ERG: variants seen among roughly 807,000 people sequenced by gnomAD.
ERG encodes ETS transcription factor ERG, also known as transcriptional regulator ERG.
ERG carries 9 observed loss-of-function variants against 55.3 expected under a neutral mutation model. The ratio of observed to expected loss-of-function variants is 0.16; its 90% CI spans 0.10 to 0.28. The LOEUF (loss-of-function observed/expected upper bound fraction) is 0.28, where lower values mean the gene tolerates loss of function less well. Among genes scored for constraint, ERG ranks in the 10% least tolerant of loss-of-function variants. The pLI is 1.00. For synonymous variants in ERG, 223 were observed against 237.3 expected (o/e 0.94, Z 0.55); for missense variants, 434 against 631.6 (o/e 0.69, Z 3.35).
chr21:38,621,272 C>T (rs1197338436), intron 1 of ERG, among the ~76,000 whole-genome samples: 1 of 152,218 alleles, frequency 6.6e-6, no homozygotes, highest in Non-Finnish European at 1.5e-5. Flanking sequence ...TGCAGCTCCA[C>T]ATGTCATCTT....
chr21:38,433,723 C>T (rs546681763), intron 2 of ERG, among the ~76,000 whole-genome samples: 1 of 152,256 alleles, frequency 6.6e-6, no homozygotes, highest in South Asian at 2.1e-4. Context: ...GCCCCAAGCT[C>T]GCTGGCCACA....
At position 38,381,299 on chromosome 21, in the gene ERG, C is replaced by G; in HGVS notation, c.*2104G>C. On this transcript the variant is annotated 3_prime_UTR_variant, in exon 10 of 10. Transcript: ENST00000288319. ...GTTTCGGCTAGCGCCTTCGCACGGT[C>G]ACCTTGTATTTTCACCTTTTGAGTT... The G allele has an allele frequency of 9.4e-7, 1 of 1,065,104 alleles. No individual in the cohort carries two copies. Among genetic ancestry groups the G allele is most frequent in the Non-Finnish European group, 1.1e-6 (1 of 879,160 alleles). The allele number at this position is 1,065,104 out of a possible 1,614,324, so 66.0% of individuals were successfully genotyped here. A position where few individuals can be genotyped will look rare whatever the true frequency, so the allele number is the denominator to read the frequency against.
intron 9 of ERG, among the ~76,000 whole-genome samples, chr21:38,385,105 CTTTGT>C (rs1392019808): frequency 3.3e-5 from 5 of 152,182 alleles, no homozygotes; most frequent in Admixed American, 1.3e-4. Flanking sequence ...ACAGATACAG[CTTTGT>C]TTTATGAAAT....
chr21:38,402,766 C>T (rs1297390658), intron 4 of ERG, 129 bp from the exon 5 acceptor site: 6 of 652,064 alleles, frequency 9.2e-6, no homozygotes, highest in Non-Finnish European at 1.5e-5. Context: ...CGTTCCCCCA[C>T]TCCCACACTA....
intron 2 of ERG, among the ~76,000 whole-genome samples, chr21:38,430,182 T>G (rs1325061203): frequency 6.6e-6 from 1 of 152,220 alleles, no homozygotes; most frequent in African/African-American, 2.4e-5. Context: ...ATGTTGAGTG[T>G]TTTTTCATGT....
At chr21:38,498,801 C>T (rs2059400112), upstream of ERG, among the ~76,000 whole-genome samples, 1 of 152,158 alleles carries the variant, frequency 6.6e-6, no homozygotes, top group African/African-American at 2.4e-5. This position sits in a 1 kb window ranked among gnomAD's most constrained non-coding sequence, Gnocchi z 4.6. Flanking sequence ...CACCTTGGAG[C>T]CAAGGCGTTG....
intron 5 of ERG, among the ~76,000 whole-genome samples, chr21:38,401,058 T>C (rs1223101024): frequency 1.3e-5 from 2 of 152,216 alleles, no homozygotes; most frequent in Non-Finnish European, 2.9e-5. Context: ...ATTATAAGTA[T>C]TTAGCCTAAG....
At chr21:38,554,005 A>T (rs565141356) in intron 2 of ERG, among the ~76,000 whole-genome samples, 5 of 45,352 alleles carry the variant, frequency 1.1e-4, no homozygotes. Flanking sequence ...CAACTTCTTT[A>T]AAAAAAATGG....
intron 1 of ERG, among the ~76,000 whole-genome samples, chr21:38,615,188 T>C (rs2060251255): frequency 6.6e-6 from 1 of 152,186 alleles, no homozygotes; most frequent in South Asian, 2.1e-4. Flanking sequence ...ATTCCTCACC[T>C]TACTAAAGCA....
chr21:38,410,045 G>A (rs773186897), intron 3 of ERG, among the ~76,000 whole-genome samples: 1 of 152,210 alleles, frequency 6.6e-6, no homozygotes, highest in Non-Finnish European at 1.5e-5. Flanking sequence ...GTAATTAAAT[G>A]AAATGTTAGG....
At chr21:38,624,051 A>T (rs1368554552) in intron 1 of ERG, among the ~76,000 whole-genome samples, 3 of 152,188 alleles carry the variant, frequency 2.0e-5, no homozygotes, top group African/African-American at 7.2e-5. Context: ...CTCGGCCTTC[A>T]TCCTTCAGGC....
At chr21:38,400,242 G>A in intron 6 of ERG, 1 of 455,014 alleles carries the variant, frequency 2.2e-6, no homozygotes, top group Non-Finnish European at 4.2e-6. Flanking sequence ...CTTGTTTTGT[G>A]CTCTTCCCCC....
At chr21:38,574,522 C>T (rs1185074382) in intron 2 of ERG, among the ~76,000 whole-genome samples, 3 of 152,214 alleles carry the variant, frequency 2.0e-5, no homozygotes, top group African/African-American at 7.2e-5. Flanking sequence ...CTTATTACTT[C>T]CAATTCCATT....
At chr21:38,474,436 T>C (rs1472627411) in intron 1 of ERG, among the ~76,000 whole-genome samples, 2 of 152,196 alleles carry the variant, frequency 1.3e-5, no homozygotes, top group African/African-American at 4.8e-5. Context: ...ATGAGTGCCC[T>C]GGAGAGAACT....
At chr21:38,469,413 C>T (rs571898652) in intron 1 of ERG, among the ~76,000 whole-genome samples, 10 of 152,184 alleles carry the variant, frequency 6.6e-5, no homozygotes, top group Non-Finnish European at 1.2e-4. Flanking sequence ...TTCACAGAAA[C>T]TCTGCCACAA....
intron 1 of ERG, among the ~76,000 whole-genome samples, chr21:38,488,547 G>T (rs571119056): frequency 6.6e-6 from 1 of 151,936 alleles, no homozygotes; most frequent in African/African-American, 2.4e-5. Flanking sequence ...TATTTGCTTC[G>T]GTTCAAAGGG....
At chr21:38,543,718 G>A (rs2146801740) in intron 2 of ERG, among the ~76,000 whole-genome samples, 1 of 150,654 alleles carries the variant, frequency 6.6e-6, no homozygotes, top group Admixed American at 6.7e-5. Flanking sequence ...AAGGAAGACA[G>A]GGTGATGTGT....
chr21:38,474,288 A>G (rs1255360118), intron 1 of ERG, among the ~76,000 whole-genome samples: 1 of 152,084 alleles, frequency 6.6e-6, no homozygotes, highest in Non-Finnish European at 1.5e-5. Context: ...AGGAAAGCCA[A>G]GAAGTGGGAG....
chr21:38,613,939 T>A (rs2060243869), intron 1 of ERG, among the ~76,000 whole-genome samples: 2 of 152,140 alleles, frequency 1.3e-5, no homozygotes, highest in Admixed American at 1.3e-4. Flanking sequence ...AGTGGCCTCA[T>A]CCCTTGCATC....
Sources: gnomAD v4.1 joint callset for allele counts (sites outside exome capture counted in the v4.1 genomes callset) on GRCh38, gnomAD v4.1.1 for gene constraint, Gnocchi (gnomAD v3.1) non-coding constraint, MANE v1.5 for transcripts, NCBI Gene and HGNC (gene_info 2026-07-23, HGNC 2026-07-21) for gene names.